The following C9orf72 variants were observed in gnomAD, a reference collection of about 807,000 sequenced individuals.
The protein encoded by C9orf72 is guanine nucleotide exchange factor C9orf72.
C9orf72 carries 44 observed loss-of-function variants against 51.6 expected under a neutral mutation model. The ratio of observed to expected loss-of-function variants is 0.85; its 90% CI spans 0.67 to 1.10. The LOEUF is 1.10. C9orf72 is among the 50% of genes least tolerant of loss of function. The probability of loss-of-function intolerance (pLI) is 0.00; values close to 1 mark genes in which losing one functional copy is unlikely to be tolerated. For missense variants in C9orf72, 607 were observed against 570.6 expected, an observed-to-expected ratio of 1.06 and a Z score of -0.65; for synonymous variants, 213 against 194.2, an observed-to-expected ratio of 1.10 and a Z score of -0.81.
intron 3 of C9orf72, among the ~76,000 whole-genome samples, chr9:27,565,226 A>G (rs1248652482): frequency 1.3e-5 from 2 of 152,128 alleles, no homozygotes; most frequent in Non-Finnish European, 2.9e-5. Context: ...CTTAAAGAAC[A>G]TATCAGAGAC....
At position 27,562,465 on chromosome 9, in the gene C9orf72, A is replaced by G. The variant is rs758413334; in HGVS notation, c.516T>C (p.Ile172=). 2 of 1,572,318 alleles carry G rather than the reference A, an allele frequency of 1.3e-6. No individual in the cohort carries two copies. Among genetic ancestry groups the G allele is most frequent in the Admixed American group, 3.6e-5 (2 of 55,682 alleles). The change falls in exon 4 of 11, where the codon ATT becomes ATC. Residue 172 remains isoleucine, a synonymous_variant. Transcript: ENST00000380003. The stretch of plus-strand genomic sequence containing the variant: ...TCACTTCTCCAGTAAGCATTGGAAT[A>G]ATACTCTGACCCTGCACAATAAAGT... ...TERMEDQGQS[I]IPMLTGEVIP... is the part of the protein sequence containing the mutation.
In C9orf72 at chr9:27,557,401, GAAGA is replaced by G. The variant is rs1161956664; in HGVS notation, c.856-609_856-606del. Among the ~76,000 whole-genome samples, 6 of 152,126 alleles carry G rather than the reference GAAGA, an allele frequency of 3.9e-5. No individual in the cohort carries two copies. The East Asian group carries it at 1.2e-3, about 29-fold the overall frequency. Reference sequence around the variant, plus strand: ...GAGGCACTGTGCTATGAACAGAACAGAAGAAAGAGGCTATTTCCATTTTTTTACT... The same window carrying G: ...GAGGCACTGTGCTATGAACAGAACAGAAGAGGCTATTTCCATTTTTTTACT... On this transcript the variant is annotated intron_variant, in intron 7 of 10. Coordinates refer to ENST00000380003, the MANE Select transcript of C9orf72 (RefSeq NM_018325.5).
chr9:27,563,302 C>G (rs566714098), intron 3 of C9orf72, among the ~76,000 whole-genome samples: 1 of 152,114 alleles, frequency 6.6e-6, no homozygotes, highest in Non-Finnish European at 1.5e-5. Flanking sequence ...AATTTGTAGT[C>G]TATAGAATCA....
chr9:27,557,340 T>A (rs1463365715), intron 7 of C9orf72, among the ~76,000 whole-genome samples: 1 of 152,142 alleles, frequency 6.6e-6, no homozygotes, highest in Non-Finnish European at 1.5e-5. Flanking sequence ...TCAGTTGGGG[T>A]AGCCAGTTAC....
chr9:27,556,898 T>C, intron 7 of C9orf72, 102 bp from the exon 8 acceptor site: 1 of 761,414 alleles, frequency 1.3e-6, no homozygotes, highest in Non-Finnish European at 2.2e-6. Context: ...AATCCATCTC[T>C]AAAAATTTAT....
intron 8 of C9orf72, among the ~76,000 whole-genome samples, chr9:27,552,711 C>T (rs1820933968): frequency 6.6e-6 from 1 of 151,792 alleles, no homozygotes; most frequent in African/African-American, 2.4e-5. Context: ...CTTTTCTCTA[C>T]CTATTGAGAT....
rs112179438 is a variant in C9orf72 at position 27,566,824 on chromosome 9, A to G, written c.297T>C (p.Phe99=). 3 of 1,613,924 alleles carry G rather than the reference A, an allele frequency of 1.9e-6. No homozygotes were observed. Among genetic ancestry groups the G allele is most frequent in the African/African-American group, 1.3e-5 (1 of 74,928 alleles). ...EKGVIIVSLI[F]DGNWNGDRST... is the part of the protein sequence containing the mutation. ...TGCGATCCCCATTCCAGTTTCCATC[A>G]AAGATTAATGAAACAATAATCACTC... is the stretch of plus-strand genomic sequence containing the variant. The change falls in exon 2 of 11, where the codon TTT becomes TTC. Residue 99 remains phenylalanine (F), a synonymous_variant. Coordinates refer to ENST00000380003, the MANE Select transcript of C9orf72 (RefSeq NM_018325.5).
chr9:27,568,243 AG>A (rs577739295), intron 1 of C9orf72, among the ~76,000 whole-genome samples: 17 of 152,290 alleles, frequency 1.1e-4, no homozygotes, highest in African/African-American at 3.4e-4. Context: ...ATCAAGACAA[AG>A]ATAAAAATAT....
At chr9:27,560,560 A>C in intron 5 of C9orf72, 1 of 743,868 alleles carries the variant, frequency 1.3e-6, no homozygotes, top group Admixed American at 5.1e-5. Flanking sequence ...TTATTTATTG[A>C]AATACCATCA....
rs954793245 is a variant in C9orf72, at chr9:27,546,757, A to T, written c.*1479T>A. 6.6e-6 allele frequency: 1 copy of T among 152,204 alleles called. No homozygotes were observed. 9.4% of individuals were successfully genotyped at this position (152,204 alleles called of 1,614,324 possible). On this transcript the variant is annotated 3_prime_UTR_variant, in exon 11 of 11. Coordinates refer to ENST00000380003, the MANE Select transcript of C9orf72 (RefSeq NM_018325.5). Reference sequence around the variant, plus strand: ...TGGGACACTACAAGGTAGTATTTATATATTTTTTAAATGACTGAGCTACAG... The same window carrying T: ...TGGGACACTACAAGGTAGTATTTATTTATTTTTTAAATGACTGAGCTACAG...
intron 8 of C9orf72, among the ~76,000 whole-genome samples, chr9:27,554,793 T>C (rs1820976704): frequency 6.6e-6 from 1 of 152,166 alleles, no homozygotes; most frequent in Non-Finnish European, 1.5e-5. Context: ...ACACACAATC[T>C]AGTGGCTGAA....
intron 7 of C9orf72, 52 bp from the exon 8 acceptor site, chr9:27,556,848 A>G (rs571903318): frequency 8.4e-7 from 1 of 1,194,864 alleles, no homozygotes; most frequent in African/African-American, 1.5e-5. Flanking sequence ...CGATATGAAT[A>G]ATTGTTTTTT....
rs921315762 is a variant in C9orf72, at chr9:27,547,394, C to T, written c.*842G>A. The T allele has an allele frequency of 2.0e-5, 3 of 152,596 alleles. No individual in the cohort carries two copies. Among genetic ancestry groups the T allele is most frequent in the African/African-American group, 2.4e-5 (1 of 41,452 alleles). The allele number at this position is 152,596 out of a possible 1,614,324, so 9.5% of individuals were successfully genotyped here. ...GATGAAAATGACTGACCAGTGAAATCTGAACTTGTTCCAAGTAATTAGATT... is the reference window on the plus strand; with the variant it reads ...GATGAAAATGACTGACCAGTGAAATTTGAACTTGTTCCAAGTAATTAGATT... On this transcript the variant is annotated 3_prime_UTR_variant, in exon 11 of 11. Transcript: ENST00000380003.
At chr9:27,573,018 C>A (rs890706330) in intron 1 of C9orf72, among the ~76,000 whole-genome samples, 1 of 152,198 alleles carries the variant, frequency 6.6e-6, no homozygotes, top group African/African-American at 2.4e-5. Flanking sequence ...TAGCGAACCC[C>A]GACTTGGTCC....
In C9orf72 at chr9:27,550,712, A is replaced by T. The variant is rs1225269495; in HGVS notation, c.1092-5T>A. 7.1e-6 allele frequency: 11 copies of T among 1,556,900 alleles called. No homozygotes were observed. The highest frequency in any genetic ancestry group is 9.7e-6 in the Non-Finnish European group (11 of 1,139,438). On this transcript the variant is annotated splice_polypyrimidine_tract_variant and splice_region_variant and intron_variant, in intron 8 of 10. Transcript: ENST00000380003. ...AAGACATCTTGAAAAATATTCCTGAAGAAAAGAAGAAAATGAAGAAAAGAA... is the reference window on the plus strand; with the variant it reads ...AAGACATCTTGAAAAATATTCCTGATGAAAAGAAGAAAATGAAGAAAAGAA...
intron 5 of C9orf72, chr9:27,560,622 G>C: frequency 9.9e-7 from 1 of 1,013,616 alleles, no homozygotes; most frequent in Non-Finnish European, 1.2e-6. Context: ...CTTACTTAAA[G>C]TCAAATGGGA....
intron 5 of C9orf72, chr9:27,560,855 A>G (rs1819325943): frequency 1.3e-6 from 1 of 777,802 alleles, no homozygotes. Context: ...AGAAACTTTA[A>G]AACAGAATAT....
intron 1 of C9orf72, among the ~76,000 whole-genome samples, chr9:27,571,612 C>A (rs948908990): frequency 6.6e-6 from 1 of 152,102 alleles, no homozygotes; most frequent in South Asian, 2.1e-4. Context: ...CACATCACCA[C>A]GCCCGGCTAA....
At chr9:27,572,689 T>C (rs536705872) in intron 1 of C9orf72, among the ~76,000 whole-genome samples, 2 of 152,188 alleles carry the variant, frequency 1.3e-5, no homozygotes, top group East Asian at 1.9e-4. Flanking sequence ...CAAAGCCTGG[T>C]GGTGTTCAAC....
Sources: allele counts gnomAD v4.1 joint callset (sites outside exome capture counted in the v4.1 genomes callset), GRCh38; gene constraint gnomAD v4.1.1; transcripts MANE v1.5; gene names NCBI Gene and HGNC (gene_info 2026-07-23, HGNC 2026-07-21).